The following SHANK2 variants were observed in gnomAD, a reference collection of about 807,000 sequenced individuals.
SHANK2 encodes the protein SH3 and multiple ankyrin repeat domains 2, also known as SH3 and multiple ankyrin repeat domains protein 2.
In SHANK2, 43 loss-of-function variants were observed where a neutral mutation model predicts 133.7. That is an observed-to-expected ratio of 0.32 (90% CI 0.25 to 0.41). The LOEUF (loss-of-function observed/expected upper bound fraction) is 0.41. Among genes scored for constraint, SHANK2 ranks in the 10% least tolerant of loss-of-function variants. The pLI is 1.00. For missense variants in SHANK2, 1,994 were observed against 2,235.8 expected (o/e 0.89, Z 2.18); for synonymous variants, 1,017 against 952.8 (o/e 1.07, Z -1.24).
intron 21 of SHANK2, among the ~76,000 whole-genome samples, chr11:70,495,456 T>C (rs1406969427): frequency 2.6e-5 from 4 of 152,198 alleles, no homozygotes; most frequent in Non-Finnish European, 5.9e-5. Context: ...TCCAGCTTGG[T>C]CTATCCCTGG....
intron 2 of SHANK2, among the ~76,000 whole-genome samples, chr11:71,190,092 G>A (rs12797396): frequency 0.23 from 34,630 of 152,146 alleles, 4,451 homozygotes; most frequent in East Asian, 0.39. Flanking sequence ...CAGCAGAGAC[G>A]TCCACCTGCA....
At chr11:71,122,953 G>A (rs535266047) in intron 3 of SHANK2, among the ~76,000 whole-genome samples, 4 of 152,218 alleles carry the variant, frequency 2.6e-5, no homozygotes, top group African/African-American at 9.6e-5. Context: ...ACTCATAAAC[G>A]TGTGAATCAC....
At chr11:71,237,955 G>C (rs141838481) in intron 1 of SHANK2, among the ~76,000 whole-genome samples, 2 of 152,200 alleles carry the variant, frequency 1.3e-5, no homozygotes, top group Admixed American at 1.3e-4. Context: ...GTTCCCATGG[G>C]ATAAGGGGGC....
chr11:71,129,275 T>A (rs1952250118), intron 3 of SHANK2, among the ~76,000 whole-genome samples: 1 of 152,172 alleles, frequency 6.6e-6, no homozygotes, highest in Non-Finnish European at 1.5e-5. Context: ...CAGTGGACTG[T>A]GCAGACCATT....
intron 11 of SHANK2, among the ~76,000 whole-genome samples, chr11:70,875,365 C>CAA (rs200696025): frequency 2.6e-4 from 38 of 148,176 alleles, no homozygotes; most frequent in African/African-American, 8.9e-4. Flanking sequence ...ACTAAAAATA[C>CAA]AAAAAAAAAA....
chr11:70,619,017 C>T (rs782536825), intron 17 of SHANK2, among the ~76,000 whole-genome samples: 3 of 152,200 alleles, frequency 2.0e-5, no homozygotes, highest in Non-Finnish European at 4.4e-5. Flanking sequence ...CCCTTACCCA[C>T]ACCCTTCGTC....
At chr11:70,489,683 C>T in intron 23 of SHANK2, 1 of 414,924 alleles carries the variant, frequency 2.4e-6, no homozygotes, top group Non-Finnish European at 4.4e-6. Flanking sequence ...TGAATTATCT[C>T]ACAAAGGGAC....
At chr11:70,717,027 G>A (rs531374457) in intron 14 of SHANK2, among the ~76,000 whole-genome samples, 2 of 152,058 alleles carry the variant, frequency 1.3e-5, no homozygotes, top group South Asian at 2.1e-4. Flanking sequence ...GCCTGCAAAC[G>A]CACAGGGTGT....
intron 10 of SHANK2, among the ~76,000 whole-genome samples, chr11:70,916,540 C>T (rs993517380): frequency 6.6e-6 from 1 of 152,174 alleles, no homozygotes. Context: ...CACCCTTTCA[C>T]ACAGTAGCAC....
rs577672199 is a variant in SHANK2, at chr11:70,875,433, G to A, written c.1174+21068C>T. Among the ~76,000 whole-genome samples the A allele has an allele frequency of 3.7e-4, 56 of 152,202 alleles. No individual in the cohort carries two copies. The East Asian group carries it at 0.011, about 29-fold the overall frequency. On this transcript the variant is annotated intron_variant, in intron 11 of 25. Transcript: ENST00000601538. ...CCAGCTACTCAGGAGGCTGAGGCAGGAGAAAGGCGTGAACCCGGGAGTGGA... is the reference window on the plus strand; with the variant it reads ...CCAGCTACTCAGGAGGCTGAGGCAGAAGAAAGGCGTGAACCCGGGAGTGGA...
rs782624024 is a variant in SHANK2, at chr11:70,535,919, A to G, written c.2062-32988T>C. ...TGGCCGGAGACCCCAGGAAAGGCAC[A>G]TAGCCCAGAATGGACATGTGGCTCA... On this transcript the variant is annotated intron_variant, in intron 17 of 25. Coordinates refer to ENST00000601538, the MANE Select transcript of SHANK2 (RefSeq NM_012309.5). This position sits in a 1 kb window ranked among gnomAD's most constrained non-coding sequence, Gnocchi z 4.3. 3.0e-4 allele frequency among the ~76,000 whole-genome samples: 46 copies of G among 152,250 alleles called. No homozygotes were observed. Among genetic ancestry groups the G allele is most frequent in the Admixed American group, 3.3e-4 (5 of 15,292 alleles).
chr11:70,492,599 G>GCAA, intron 21 of SHANK2, 134 bp from the exon 22 acceptor site: 3 of 1,156,486 alleles, frequency 2.6e-6, no homozygotes, highest in Non-Finnish European at 3.8e-6. Flanking sequence ...GCTGTGAGGA[G>GCAA]CATGCGTGTG....
intron 17 of SHANK2, among the ~76,000 whole-genome samples, chr11:70,521,115 G>A (rs1358294471): frequency 6.6e-6 from 1 of 152,180 alleles, no homozygotes; most frequent in Non-Finnish European, 1.5e-5. Context: ...TATACTGATA[G>A]CTTCAACAGA....
intron 20 of SHANK2, among the ~76,000 whole-genome samples, chr11:70,501,250 G>C (rs554221195): frequency 6.6e-6 from 1 of 152,340 alleles, no homozygotes; most frequent in Admixed American, 6.5e-5. Flanking sequence ...CGGCCTGGCC[G>C]GCCTCAGCGC....
At chr11:70,657,553 A>G (rs1555011936) in intron 17 of SHANK2, among the ~76,000 whole-genome samples, 3 of 152,182 alleles carry the variant, frequency 2.0e-5, no homozygotes, top group African/African-American at 7.2e-5. Flanking sequence ...GGATCGTGCA[A>G]GGGTCCAGCT....
At position 70,820,367 on chromosome 11, in the gene SHANK2, A is replaced by C. The variant is rs1555055503; in HGVS notation, c.1490T>G (p.Val497Gly). ...CTTGGCGTCTGCCACTCCTTACCCG[A>C]CATGCCAGAGAGGCTGCGGCCTCTT... ...DGKRPQPLWH[V>G]GSPFALGANK... The change falls in exon 12 of 26, where the codon GTC (valine) becomes GGC (glycine). Residue 497 changes from valine (V) to glycine (G), a missense_variant. By Grantham distance (109) the Val-to-Gly change is moderately radical (BLOSUM62 -3). Around this residue, in one of 5 missense-constraint regions of SHANK2, gnomAD observed 653 missense variants for 563.4 expected, o/e 1.16. Transcript: ENST00000601538. 7.9e-6 allele frequency: 5 copies of C among 630,640 alleles called. No homozygotes were observed. The highest frequency in any genetic ancestry group is 1.5e-5 in the Non-Finnish European group (5 of 337,558). The allele number at this position is 630,640 out of a possible 1,614,324, so 39.1% of individuals were successfully genotyped here.
At chr11:70,572,661 C>T (rs1554983335) in intron 17 of SHANK2, among the ~76,000 whole-genome samples, 2 of 152,138 alleles carry the variant, frequency 1.3e-5, no homozygotes, top group African/African-American at 4.8e-5. Context: ...AGAAAAGAGG[C>T]CCAACATCAG....
At chr11:71,083,825 C>T (rs1339608113) in intron 8 of SHANK2, among the ~76,000 whole-genome samples, 1 of 152,184 alleles carries the variant, frequency 6.6e-6, no homozygotes, top group Non-Finnish European at 1.5e-5. Context: ...AAATCTGACC[C>T]CTGATGTCCT....
At chr11:70,623,506 C>T (rs921707419) in intron 17 of SHANK2, among the ~76,000 whole-genome samples, 2 of 152,198 alleles carry the variant, frequency 1.3e-5, no homozygotes, top group South Asian at 2.1e-4. Flanking sequence ...GATGAGGACA[C>T]GGCCCATGGC....
Sources: gnomAD v4.1 joint callset for allele counts (sites outside exome capture counted in the v4.1 genomes callset) on GRCh38, gnomAD v4.1.1 for gene constraint, gnomAD v4.1.1 regional missense constraint, Gnocchi (gnomAD v3.1) non-coding constraint, MANE v1.5 for transcripts, NCBI Gene and HGNC (gene_info 2026-07-23, HGNC 2026-07-21) for gene names.